TP53BP1: variants seen among roughly 807,000 people sequenced by gnomAD.
TP53BP1 encodes TP53-binding protein 1.
TP53BP1 carries 61 observed loss-of-function variants against 200.8 expected under a neutral mutation model. That is an observed-to-expected ratio of 0.30 (90% confidence interval 0.25 to 0.38). The LOEUF is 0.38. Among genes scored for constraint, TP53BP1 ranks in the 10% least tolerant of loss-of-function variants. The pLI, the probability that TP53BP1 is intolerant of heterozygous loss-of-function variation, is 1.00. For missense variants in TP53BP1, 2,144 were observed against 2,371.9 expected (o/e 0.90, Z 2.00); for synonymous variants, 822 against 844.3 (o/e 0.97, Z 0.46).
intron 11 of TP53BP1, among the ~76,000 whole-genome samples, chr15:43,460,441 T>C (rs1225279291): frequency 6.6e-6 from 1 of 152,076 alleles, no homozygotes; most frequent in East Asian, 1.9e-4. Flanking sequence ...TTGTATTTTT[T>C]GTAGAGAGGG....
chr15:43,420,786 G>A, intron 20 of TP53BP1, 51 bp from the exon 21 acceptor site: 2 of 1,508,234 alleles, frequency 1.3e-6, no homozygotes, highest in Non-Finnish European at 1.8e-6. Context: ...GAACACAGAA[G>A]TATATATCTA....
intron 27 of TP53BP1, 49 bp downstream of exon 27, chr15:43,407,894 T>C (rs1367901687): frequency 6.3e-7 from 1 of 1,576,676 alleles, no homozygotes; most frequent in Non-Finnish European, 8.6e-7. Context: ...CACCTACAGG[T>C]CTAAGGAGAT....
chr15:43,403,842 G>A lies in TP53BP1; in HGVS notation c.*3541C>T. ...TATGCAGCCTTGCCGAAAGGACAGA[G>A]GTGGTTTTGCCAATGGAGAATTCAT... On this transcript the variant is annotated 3_prime_UTR_variant, in exon 28 of 28. Transcript: ENST00000382044. 6.7e-7 allele frequency: 1 copy of A among 1,482,596 alleles called. No homozygotes were observed. The highest frequency in any genetic ancestry group is 9.4e-7 in the Non-Finnish European group (1 of 1,061,006). The allele number at this position is 1,482,596 out of a possible 1,614,324, so 91.8% of individuals were successfully genotyped here. A position where few individuals can be genotyped will look rare whatever the true frequency, so the allele number is the denominator to read the frequency against.
chr15:43,442,108 CA>C (rs1566935975), intron 14 of TP53BP1, among the ~76,000 whole-genome samples: 3 of 130,394 alleles, frequency 2.3e-5, no homozygotes, highest in African/African-American at 8.8e-5. Context: ...TTTTTTGAGA[CA>C]GAGTCTCACT....
rs2078915625 is a variant in TP53BP1 at position 43,478,501 on chromosome 15, GTTTA to G, written c.789-746_789-743del. On this transcript the variant is annotated intron_variant, in intron 7 of 27. Transcript: ENST00000382044. The stretch of plus-strand genomic sequence containing the variant: ...TTGAAGGAAATAACAAAACAATACT[GTTTA>G]TTTATCCCCTATCCCAAACTGGAAG... Among the ~76,000 whole-genome samples the G allele has an allele frequency of 2.0e-5, 3 of 152,244 alleles. No individual in the cohort carries two copies. The South Asian group carries it at 6.2e-4, about 32-fold the overall frequency.
At position 43,441,535 on chromosome 15, in the gene TP53BP1, G is replaced by A. The variant is rs1269254041; in HGVS notation, c.3089C>T (p.Ser1030Phe). ...ATCCAGCTTTGGTTACCTGGCAACA[G>A]ACTCAGCAACAGCAGTAGATCCATT... ...RKNGSTAVAE[S>F]VASPQKTMSV... Residue 1030 changes from serine to phenylalanine, a missense_variant, in exon 15 of 28, where the codon TCT becomes TTT. Around this residue, in one of 4 missense-constraint regions of TP53BP1, gnomAD observed 1,700 missense variants for 1,710.3 expected, o/e 0.99. Coordinates refer to ENST00000382044, the MANE Select transcript of TP53BP1 (RefSeq NM_001141980.3). 1 of 1,612,324 alleles carries A rather than the reference G, an allele frequency of 6.2e-7. No homozygotes were observed. The highest frequency in any genetic ancestry group is 1.3e-5 in the African/African-American group (1 of 74,994).
At chr15:43,467,356 G>A (rs12906481) in intron 11 of TP53BP1, among the ~76,000 whole-genome samples, 21,926 of 151,990 alleles carry the variant, frequency 0.14, 1,869 homozygotes, top group Middle Eastern at 0.27. Context: ...GGGCTACTGC[G>A]CCCGGCCTAC....
At position 43,428,187 on chromosome 15, in the gene TP53BP1, A is replaced by G. The variant is rs1307877473; in HGVS notation, c.3676-19T>C. 6.2e-7 allele frequency: 1 copy of G among 1,611,962 alleles called. No homozygotes were observed. Among genetic ancestry groups the G allele is most frequent in the Non-Finnish European group, 8.5e-7 (1 of 1,178,548 alleles). On this transcript the variant is annotated intron_variant, in intron 17 of 27. Transcript: ENST00000382044. ...CTTCTCCCTGTGACAGAAAATACAG[A>G]ACATAAGCACAGGTCTCACTGCAAG...
At chr15:43,408,654 G>A (rs1156709239) in intron 26 of TP53BP1, 2 of 493,508 alleles carry the variant, frequency 4.1e-6, no homozygotes, top group Non-Finnish European at 3.7e-6. Flanking sequence ...TTAGTTCTCT[G>A]ACTTTACAGG....
At chr15:43,463,173 A>G (rs1340957952) in intron 11 of TP53BP1, among the ~76,000 whole-genome samples, 1 of 152,226 alleles carries the variant, frequency 6.6e-6, no homozygotes, top group East Asian at 1.9e-4. Context: ...ATTTGTCCTC[A>G]CCAAAATTAA....
At chr15:43,451,086 A>G (rs2046155584) in intron 12 of TP53BP1, among the ~76,000 whole-genome samples, 1 of 152,116 alleles carries the variant, frequency 6.6e-6, no homozygotes, top group African/African-American at 2.4e-5. Flanking sequence ...AACAACAAAA[A>G]AGTGCTCTTC....
Position 43,428,163 on chromosome 15 carries a change from T to G in TP53BP1, c.3681A>C (p.Glu1227Asp). ...GAGGCTGAGGCATATCAAACTCTTC[T>G]TCTCCCTGTGACAGAAAATACAGAA... ...DDTESLHSQG[E>D]EEFDMPQPPH... is the part of the protein sequence containing the mutation. The change falls in exon 18 of 28, where the codon GAA (glutamate) becomes GAC (aspartate). Residue 1227 changes from glutamate (E) to aspartate (D), a missense_variant. Glu to Asp is a conservative substitution (Grantham distance 45). Transcript: ENST00000382044. 6.2e-7 allele frequency: 1 copy of G among 1,613,482 alleles called. No homozygotes were observed. Among genetic ancestry groups the G allele is most frequent in the Non-Finnish European group, 8.5e-7 (1 of 1,179,696 alleles).
chr15:43,446,656 T>C (rs1300683803), intron 13 of TP53BP1, 66 bp from the exon 14 acceptor site: 4 of 1,578,748 alleles, frequency 2.5e-6, no homozygotes, highest in Non-Finnish European at 3.5e-6. Flanking sequence ...AAAACAGCAA[T>C]TCAAGGTCAT....
intron 11 of TP53BP1, among the ~76,000 whole-genome samples, chr15:43,463,646 A>T (rs2046493359): frequency 6.6e-6 from 1 of 152,212 alleles, no homozygotes; most frequent in South Asian, 2.1e-4. Flanking sequence ...TGCAAAAAAA[A>T]TCTGGAAAAG....
At chr15:43,421,814 C>A (rs2045406793) in intron 19 of TP53BP1, 41 bp downstream of exon 19, 1 of 1,609,056 alleles carries the variant, frequency 6.2e-7, no homozygotes, top group Admixed American at 1.7e-5. Context: ...AGCAACCCTG[C>A]CCCTGCTGTG....
At chr15:43,482,274 A>G (rs1285519518) in intron 4 of TP53BP1, among the ~76,000 whole-genome samples, 1 of 152,160 alleles carries the variant, frequency 6.6e-6, no homozygotes, top group Non-Finnish European at 1.5e-5. Flanking sequence ...AACAACCTAT[A>G]AATTCAGCAT....
At chr15:43,494,472 A>T (rs1448533250), upstream of TP53BP1, among the ~76,000 whole-genome samples, 1 of 152,208 alleles carries the variant, frequency 6.6e-6, no homozygotes, top group Non-Finnish European at 1.5e-5. Context: ...AAAAATCTAG[A>T]ATCTATTACT....
At position 43,406,816 on chromosome 15, in the gene TP53BP1, G is replaced by A. The variant is rs925002545; in HGVS notation, c.*567C>T. On this transcript the variant is annotated 3_prime_UTR_variant, in exon 28 of 28. Coordinates refer to ENST00000382044, the MANE Select transcript of TP53BP1 (RefSeq NM_001141980.3). Reference sequence around the variant, plus strand: ...TCATTCCATCAAGCTTATGGTCACTGTCCCTTCATGGCAGTTGGTCCTTTC... The same window carrying A: ...TCATTCCATCAAGCTTATGGTCACTATCCCTTCATGGCAGTTGGTCCTTTC... 2.9e-6 allele frequency: 1 copy of A among 341,780 alleles called. No homozygotes were observed. The highest frequency in any genetic ancestry group is 3.8e-5 in the Admixed American group (1 of 26,494). The allele number at this position is 341,780 out of a possible 1,614,324, so 21.2% of individuals were successfully genotyped here. A position where few individuals can be genotyped will look rare whatever the true frequency, so the allele number is the denominator to read the frequency against.
chr15:43,465,024 G>A (rs1008143105), intron 11 of TP53BP1, among the ~76,000 whole-genome samples: 4 of 151,958 alleles, frequency 2.6e-5, no homozygotes, highest in Non-Finnish European at 5.9e-5. Flanking sequence ...TCTGATACAT[G>A]CTACAACACA....
Sources: allele counts gnomAD v4.1 joint callset (sites outside exome capture counted in the v4.1 genomes callset), GRCh38; gene constraint gnomAD v4.1.1; regional missense constraint gnomAD v4.1.1; transcripts MANE v1.5; gene names NCBI Gene and HGNC (gene_info 2026-07-23, HGNC 2026-07-21).